The following STK39 variants were observed in gnomAD, a reference collection of about 807,000 sequenced individuals.
The protein encoded by STK39 is STE20/SPS1-related proline-alanine-rich protein kinase.
In STK39, 20 loss-of-function variants were observed where a neutral mutation model predicts 77.8. The observed-to-expected ratio is 0.26, with a 90% CI of 0.18 to 0.37. The LOEUF (loss-of-function observed/expected upper bound fraction) is 0.37, where lower values mean the gene tolerates loss of function less well. Among genes scored for constraint, STK39 ranks in the 10% least tolerant of loss-of-function variants. The pLI is 1.00. For synonymous variants in STK39, 246 were observed against 234.1 expected (o/e 1.05, Z -0.47); for missense variants, 479 against 656.5 (o/e 0.73, Z 2.95).
intron 16 of STK39, among the ~76,000 whole-genome samples, chr2:168,000,287 A>G (rs1250075181): frequency 6.6e-6 from 1 of 152,224 alleles, no homozygotes; most frequent in African/African-American, 2.4e-5. Context: ...TGAAAAAAAT[A>G]TCAAAAATTA....
intron 14 of STK39, among the ~76,000 whole-genome samples, chr2:168,036,488 C>T (rs1461937003): frequency 1.3e-5 from 2 of 152,154 alleles, no homozygotes; most frequent in African/African-American, 2.4e-5. Flanking sequence ...GCAGTTCAAC[C>T]GCTCTTGTAA....
At chr2:168,139,054 G>A (rs912235783) in intron 7 of STK39, among the ~76,000 whole-genome samples, 2 of 152,160 alleles carry the variant, frequency 1.3e-5, no homozygotes, top group Non-Finnish European at 2.9e-5. Flanking sequence ...ACTTTCAGAT[G>A]TGTGAATAGA....
chr2:168,097,749 AAAAAG>A (rs1338753279), intron 10 of STK39, among the ~76,000 whole-genome samples: 1 of 152,228 alleles, frequency 6.6e-6, no homozygotes, highest in Non-Finnish European at 1.5e-5. Context: ...CAAAAAAAAA[AAAAAG>A]AAGACGAAGA....
intron 14 of STK39, among the ~76,000 whole-genome samples, chr2:168,032,965 T>C (rs1255995578): frequency 6.6e-6 from 1 of 152,186 alleles, no homozygotes; most frequent in African/African-American, 2.4e-5. Context: ...ATGGTAAAGG[T>C]TAACAGTTAT....
chr2:168,246,411 G>A (rs1478733094), intron 1 of STK39, among the ~76,000 whole-genome samples: 1 of 152,258 alleles, frequency 6.6e-6, no homozygotes, highest in Non-Finnish European at 1.5e-5. Flanking sequence ...GAGCCGGCCA[G>A]AAGGCAACGA....
Position 168,247,350 on chromosome 2 carries a change from G to A in STK39, c.86C>T (p.Ala29Val). The A allele has an allele frequency of 9.5e-7, 1 of 1,051,558 alleles. No homozygotes were observed. The highest frequency in any genetic ancestry group is 1.1e-6 in the Non-Finnish European group (1 of 871,194). The allele number at this position is 1,051,558 out of a possible 1,614,324, so 65.1% of individuals were successfully genotyped here. A position where few individuals can be genotyped will look rare whatever the true frequency, so the allele number is the denominator to read the frequency against. ...CGGGGCCGGCGCTGCTGTCGCGGCC[G>A]CCGGGGCCGCCGCCGCCGCCGCTGT... ...PVTAAAAAAP[A>V]AATAAPAPAA... is the part of the protein sequence containing the mutation. The change falls in exon 1 of 18, where the codon GCG (alanine) becomes GTG (valine). Residue 29 changes from alanine (A) to valine (V), a missense_variant. By Grantham distance (64) the Ala-to-Val change is moderately conservative. This residue lies in a region of STK39 where 96 missense variants were observed against 79.1 expected (regional missense o/e 1.21). Transcript: ENST00000355999.
intron 13 of STK39, among the ~76,000 whole-genome samples, chr2:168,064,962 A>G (rs1050396764): frequency 6.6e-6 from 1 of 152,258 alleles, no homozygotes; most frequent in Non-Finnish European, 1.5e-5. Flanking sequence ...ATGATAACAG[A>G]ATTATGAAAA....
intron 10 of STK39, among the ~76,000 whole-genome samples, chr2:168,089,658 G>A (rs1686464438): frequency 1.3e-5 from 2 of 152,178 alleles, no homozygotes; most frequent in Admixed American, 1.3e-4. Flanking sequence ...TTGTTGCCCA[G>A]GCTGGAGGGC....
rs10611769 is a variant in STK39 at position 168,169,631 on chromosome 2, C to CGTGTGTGTGTGTGTGTGT, written c.322-2242_322-2225dup. Among the ~76,000 whole-genome samples the CGTGTGTGTGTGTGTGTGT allele has an allele frequency of 9.9e-3, 1,447 of 145,900 alleles. 27 individuals carry two copies. Among genetic ancestry groups the CGTGTGTGTGTGTGTGTGT allele is most frequent in the East Asian group, 0.084 (417 of 4,960 alleles). On this transcript the variant is annotated intron_variant, in intron 2 of 17. Coordinates refer to ENST00000355999, the MANE Select transcript of STK39 (RefSeq NM_013233.3). ...TCAGGTTCTCTGACTTTGCAGTGAG[C>CGTGTGTGTGTGTGTGTGT]GTGTGTGTGTGTGTGTGTGTGTGTG...
intron 8 of STK39, among the ~76,000 whole-genome samples, chr2:168,131,482 G>A (rs370173620): frequency 3.3e-5 from 5 of 152,232 alleles, no homozygotes; most frequent in Admixed American, 6.5e-5. Context: ...TATTCCCAGG[G>A]ATCAAACCCA....
chr2:168,236,116 G>T (rs894007781), intron 1 of STK39, among the ~76,000 whole-genome samples: 18 of 152,068 alleles, frequency 1.2e-4, no homozygotes, highest in African/African-American at 4.1e-4. Flanking sequence ...TCCAGCACCT[G>T]TTGTTTCCTG....
intron 15 of STK39, among the ~76,000 whole-genome samples, chr2:168,014,499 A>C (rs1380546106): frequency 6.6e-6 from 1 of 152,052 alleles, no homozygotes; most frequent in Non-Finnish European, 1.5e-5. Context: ...TAAAAAAAAA[A>C]CACCTTATAA....
rs116249478 is a variant in STK39, at chr2:168,040,257, G to A, written c.1377-23162C>T. Reference sequence around the variant, plus strand: ...GTGGACAGATATAGAAAAAATAAAGGAAGAAAAAACTAACCACAAAAGGGC... The same window carrying A: ...GTGGACAGATATAGAAAAAATAAAGAAAGAAAAAACTAACCACAAAAGGGC... On this transcript the variant is annotated intron_variant, in intron 14 of 17. Coordinates refer to ENST00000355999, the MANE Select transcript of STK39 (RefSeq NM_013233.3). 5.0e-3 allele frequency among the ~76,000 whole-genome samples: 753 copies of A among 152,026 alleles called. 8 individuals are homozygous for A. Among genetic ancestry groups the A allele is most frequent in the African/African-American group, 0.017 (712 of 41,440 alleles).
intron 14 of STK39, among the ~76,000 whole-genome samples, chr2:168,038,139 T>C (rs4668007): frequency 0.75 from 114,649 of 152,048 alleles, 43,450 homozygotes; most frequent in Admixed American, 0.82. Context: ...GCCGAGTCTA[T>C]GGTATAATTA....
intron 14 of STK39, among the ~76,000 whole-genome samples, chr2:168,017,727 AT>A (rs980766330): frequency 8.4e-4 from 128 of 151,924 alleles, no homozygotes; most frequent in African/African-American, 2.8e-3. Flanking sequence ...AATGGTATCC[AT>A]TTTTTTTCTT....
chr2:167,982,995 T>A (rs1470657938), intron 16 of STK39, among the ~76,000 whole-genome samples: 1 of 152,206 alleles, frequency 6.6e-6, no homozygotes, highest in Non-Finnish European at 1.5e-5. Flanking sequence ...CTCACTGCTG[T>A]ACACCCAATA....
intron 10 of STK39, among the ~76,000 whole-genome samples, chr2:168,080,099 C>T (rs1056673654): frequency 2.6e-5 from 4 of 152,148 alleles, no homozygotes; most frequent in Non-Finnish European, 4.4e-5. Flanking sequence ...GAGAGCAAGT[C>T]CATCCAATGG....
At chr2:168,063,440 G>T in intron 14 of STK39, 60 bp downstream of exon 14, 2 of 1,431,990 alleles carry the variant, frequency 1.4e-6, no homozygotes, top group Non-Finnish European at 1.9e-6. Flanking sequence ...GTTAACGAAG[G>T]AGATTTAAAA....
chr2:167,996,923 T>C (rs1574377589), intron 16 of STK39, among the ~76,000 whole-genome samples: 1 of 151,776 alleles, frequency 6.6e-6, no homozygotes, highest in African/African-American at 2.4e-5. Context: ...ACTTTGAGGC[T>C]GGATGGTCCT....
Sources: gnomAD v4.1 joint callset for allele counts (sites outside exome capture counted in the v4.1 genomes callset) on GRCh38, gnomAD v4.1.1 for gene constraint, gnomAD v4.1.1 regional missense constraint, MANE v1.5 for transcripts, NCBI Gene and HGNC (gene_info 2026-07-23, HGNC 2026-07-21) for gene names.